CDH13: variants seen among roughly 807,000 people sequenced by gnomAD.
The protein encoded by CDH13 is cadherin 13.
Under a neutral mutation model 63.8 loss-of-function variants are expected in CDH13, and 24 were observed. The ratio of observed to expected loss-of-function variants is 0.38; its 90% confidence interval spans 0.27 to 0.53. CDH13 has a LOEUF of 0.53. Ranked by LOEUF, CDH13 falls within the 20% of genes least tolerant of loss-of-function variation. CDH13 has a pLI of 0.85. For synonymous variants in CDH13, 503 were observed against 355.3 expected, an observed-to-expected ratio of 1.42 and a Z score of -4.67; for missense variants, 1,049 against 903.1, an observed-to-expected ratio of 1.16 and a Z score of -2.07.
intron 1 of CDH13, among the ~76,000 whole-genome samples, chr16:82,827,223 C>G (rs1042640616): frequency 4.6e-5 from 7 of 152,154 alleles, no homozygotes; most frequent in East Asian, 1.9e-4. Context: ...ATTTCCCAGA[C>G]AGAGAGAGAG....
At chr16:83,719,392 AG>A (rs1455931143) in intron 10 of CDH13, among the ~76,000 whole-genome samples, 1 of 151,974 alleles carries the variant, frequency 6.6e-6, no homozygotes, top group African/African-American at 2.4e-5. Context: ...GCACTAGGAG[AG>A]GGCGACATGG....
At chr16:83,281,550 C>T (rs1567561495) in intron 5 of CDH13, among the ~76,000 whole-genome samples, 1 of 152,092 alleles carries the variant, frequency 6.6e-6, no homozygotes, top group South Asian at 2.1e-4. Context: ...ATTCATAATT[C>T]AGCTGTTTGG....
At chr16:83,703,839 C>G (rs1906608907) in intron 10 of CDH13, among the ~76,000 whole-genome samples, 1 of 152,212 alleles carries the variant, frequency 6.6e-6, no homozygotes, top group Non-Finnish European at 1.5e-5. Flanking sequence ...CAACATGCCT[C>G]TGACTCCATA....
chr16:83,563,741 C>A (rs1230149460), intron 7 of CDH13, among the ~76,000 whole-genome samples: 1 of 152,142 alleles, frequency 6.6e-6, no homozygotes, highest in Non-Finnish European at 1.5e-5. Flanking sequence ...TAGTGTCAAG[C>A]AGCATATAAC....
At chr16:82,648,632 C>G (rs1359657750) in intron 1 of CDH13, among the ~76,000 whole-genome samples, 4 of 152,154 alleles carry the variant, frequency 2.6e-5, no homozygotes, top group Non-Finnish European at 5.9e-5. Flanking sequence ...AGGAATTTAT[C>G]AAAATCCTAA....
At chr16:83,104,509 T>A (rs1277035979) in intron 3 of CDH13, among the ~76,000 whole-genome samples, 1 of 151,702 alleles carries the variant, frequency 6.6e-6, no homozygotes, top group African/African-American at 2.4e-5. Flanking sequence ...ATTGTTTAAG[T>A]AGGTTAAGGC....
intron 5 of CDH13, among the ~76,000 whole-genome samples, chr16:83,336,932 T>C (rs187097718): frequency 6.6e-6 from 1 of 152,316 alleles, no homozygotes; most frequent in Admixed American, 6.5e-5. Flanking sequence ...TTTTCATCAG[T>C]ACATCCCTTT....
chr16:82,751,100 T>A (rs954535539), intron 1 of CDH13, among the ~76,000 whole-genome samples: 25 of 152,174 alleles, frequency 1.6e-4, no homozygotes, highest in Admixed American at 1.6e-3. Flanking sequence ...CCCTATTTAA[T>A]CATATGTAAT....
Position 83,182,583 on chromosome 16 carries a change from G to T in CDH13, c.484-34762G>T, listed in dbSNP as rs552624864. The stretch of plus-strand genomic sequence containing the variant: ...TGCGGACACTTGAAGCCCTCTGTTA[G>T]TCATGCCATGCTGTGATCAAAAGGA... On this transcript the variant is annotated intron_variant, in intron 4 of 13. Transcript: ENST00000567109. Among the ~76,000 whole-genome samples, 48 of 152,290 alleles carry T rather than the reference G, an allele frequency of 3.2e-4. 1 individual carries two copies. The highest frequency in any genetic ancestry group is 1.2e-3 in the African/African-American group (48 of 41,560).
chr16:83,275,658 G>A (rs1254165878), intron 5 of CDH13, among the ~76,000 whole-genome samples: 1 of 35,896 alleles, frequency 2.8e-5, no homozygotes, highest in Non-Finnish European at 5.4e-5. Context: ...TATGACTCTG[G>A]CTTGGAAGAT....
chr16:83,310,043 T>C lies in CDH13; in HGVS notation c.637-34819T>C, dbSNP rs547507910. 2.6e-4 allele frequency among the ~76,000 whole-genome samples: 39 copies of C among 152,284 alleles called. No individual in the cohort carries two copies. The South Asian group carries it at 5.4e-3, about 21-fold the overall frequency. ...GGTTGAAAGAATATGCATATATTAA[T>C]TAATAATTCCGACATACTTCTTTTA... On this transcript the variant is annotated intron_variant, in intron 5 of 13. Transcript: ENST00000567109.
At chr16:83,248,381 G>T (rs1905172714) in intron 5 of CDH13, among the ~76,000 whole-genome samples, 1 of 152,114 alleles carries the variant, frequency 6.6e-6, no homozygotes, top group African/African-American at 2.4e-5. Flanking sequence ...ATGCTCTTGG[G>T]AGCTTATCAG....
intron 1 of CDH13, among the ~76,000 whole-genome samples, chr16:82,667,465 C>T (rs184851413): frequency 4.6e-5 from 7 of 152,330 alleles, no homozygotes; most frequent in South Asian, 2.1e-4. Context: ...TTCCCATCTG[C>T]TATTGGCCAT....
chr16:83,245,692 T>C (rs1904920273), intron 5 of CDH13, among the ~76,000 whole-genome samples: 1 of 152,250 alleles, frequency 6.6e-6, no homozygotes, highest in South Asian at 2.1e-4. Context: ...AATTTAAATT[T>C]GTTTTCAGCA....
chr16:83,576,791 G>A (rs1905115407), intron 7 of CDH13, among the ~76,000 whole-genome samples: 1 of 152,066 alleles, frequency 6.6e-6, no homozygotes, highest in African/African-American at 2.4e-5. Context: ...GTGTTCATTG[G>A]CCATTTGTAT....
At chr16:83,187,970 C>T (rs2038578024) in intron 4 of CDH13, among the ~76,000 whole-genome samples, 1 of 152,040 alleles carries the variant, frequency 6.6e-6, no homozygotes, top group Non-Finnish European at 1.5e-5. Flanking sequence ...ACTATGAGTG[C>T]AAAAGCTGGG....
At chr16:82,717,639 C>T (rs145079196) in intron 1 of CDH13, among the ~76,000 whole-genome samples, 1 of 152,122 alleles carries the variant, frequency 6.6e-6, no homozygotes, top group Non-Finnish European at 1.5e-5. Flanking sequence ...GGTCCCATGA[C>T]CTTTTGTGTC....
At chr16:83,720,211 G>A (rs1450661413) in intron 10 of CDH13, among the ~76,000 whole-genome samples, 3 of 151,924 alleles carry the variant, frequency 2.0e-5, no homozygotes, top group Non-Finnish European at 2.9e-5. Flanking sequence ...ACACACTTGT[G>A]CATGTACACA....
intron 1 of CDH13, among the ~76,000 whole-genome samples, chr16:82,680,266 C>G (rs12444972): frequency 3.3e-5 from 5 of 152,218 alleles, no homozygotes; most frequent in Non-Finnish European, 5.9e-5. Flanking sequence ...TGAGCACATC[C>G]TACATGTGAC....
Sources: gnomAD v4.1 joint callset for allele counts (sites outside exome capture counted in the v4.1 genomes callset) on GRCh38, gnomAD v4.1.1 for gene constraint, MANE v1.5 for transcripts, NCBI Gene and HGNC (gene_info 2026-07-23, HGNC 2026-07-21) for gene names.